The following TCN2 variants were observed in gnomAD, a reference collection of about 807,000 sequenced individuals.
TCN2 encodes transcobalamin 2, also known as transcobalamin-2.
A neutral mutation model predicts 48.6 loss-of-function variants in TCN2; 34 were observed. The ratio of observed to expected loss-of-function variants is 0.70; its 90% CI spans 0.53 to 0.93. The LOEUF is 0.93. TCN2 is among the 40% of genes least tolerant of loss of function. The probability of loss-of-function intolerance (pLI) is 0.00; values close to 1 mark genes in which losing one functional copy is unlikely to be tolerated. For synonymous variants in TCN2, 283 were observed against 212.5 expected (o/e 1.33, Z -2.89); for missense variants, 652 against 526.1 (o/e 1.24, Z -2.34).
At chr22:30,625,159 C>T (rs751640788) in intron 8 of TCN2, among the ~76,000 whole-genome samples, 1 of 152,036 alleles carries the variant, frequency 6.6e-6, no homozygotes, top group African/African-American at 2.4e-5. Context: ...CGGAGGTTGC[C>T]GTGAGCTGAG....
Position 30,611,071 on chromosome 22 carries a change from C to T in TCN2, c.257+8C>T, listed in dbSNP as rs747963904. 1.2e-6 allele frequency: 2 copies of T among 1,613,750 alleles called. No individual in the cohort carries two copies. The highest frequency in any genetic ancestry group is 8.5e-7 in the Non-Finnish European group (1 of 1,179,894). ...CCAGCAGTGCCTCCTAGGGTATTGC[C>T]ACACTCTCTTTTTCCATGTCTTGCT... On this transcript the variant is annotated splice_region_variant and intron_variant, in intron 2 of 8. Coordinates refer to ENST00000215838, the MANE Select transcript of TCN2 (RefSeq NM_000355.4).
At chr22:30,622,750 G>A (rs189160940) in intron 7 of TCN2, among the ~76,000 whole-genome samples, 48 of 152,318 alleles carry the variant, frequency 3.2e-4, no homozygotes, top group African/African-American at 7.7e-4. Context: ...CATGGTCAGC[G>A]TGGAGAGGAT....
chr22:30,617,780 G>A (rs2087635800), intron 7 of TCN2: 1 of 468,840 alleles, frequency 2.1e-6, no homozygotes, highest in Admixed American at 3.3e-5. Flanking sequence ...TCACCGAGGA[G>A]AACAGTTGTG....
At position 30,614,502 on chromosome 22, in the gene TCN2, G is replaced by C. The variant is rs1166150272; in HGVS notation, c.580+1G>C. ...TTCCACCAGGGCCACCATTCTGTGGGTGAGTAGGTCAGACCGTGCCAAGGC... is the reference window on the plus strand; with the variant it reads ...TTCCACCAGGGCCACCATTCTGTGGCTGAGTAGGTCAGACCGTGCCAAGGC... On this transcript the variant is annotated splice_donor_variant, in intron 4 of 8. Coordinates refer to ENST00000215838, the MANE Select transcript of TCN2 (RefSeq NM_000355.4). LOFTEE classifies it high-confidence loss of function. 3 of 1,614,024 alleles carry C rather than the reference G, an allele frequency of 1.9e-6. No individual in the cohort carries two copies. Among genetic ancestry groups the C allele is most frequent in the African/African-American group, 2.7e-5 (2 of 74,932 alleles).
At chr22:30,623,591 A>C (rs889298165) in intron 8 of TCN2, among the ~76,000 whole-genome samples, 25 of 151,766 alleles carry the variant, frequency 1.6e-4, no homozygotes, top group Non-Finnish European at 3.1e-4. Context: ...TTTTAAAAAT[A>C]TGGCAGTAAG....
At chr22:30,622,550 C>G (rs897487309) in intron 7 of TCN2, among the ~76,000 whole-genome samples, 6 of 152,200 alleles carry the variant, frequency 3.9e-5, no homozygotes, top group South Asian at 4.1e-4. Flanking sequence ...TGCCAGGTGT[C>G]TCTGCCTCCA....
intron 7 of TCN2, among the ~76,000 whole-genome samples, chr22:30,618,647 G>T (rs898416571): frequency 6.6e-6 from 1 of 151,956 alleles, no homozygotes; most frequent in Non-Finnish European, 1.5e-5. Context: ...CTCCGTGCCC[G>T]GCCATGTATT....
At chr22:30,607,734 G>A (rs1602039869) in intron 1 of TCN2, among the ~76,000 whole-genome samples, 1 of 152,130 alleles carries the variant, frequency 6.6e-6, no homozygotes, top group East Asian at 1.9e-4. Context: ...AAGGGGGACA[G>A]ACAAAAGAAA....
At chr22:30,611,147 CT>C in intron 2 of TCN2, 84 bp downstream of exon 2, 1 of 1,577,564 alleles carries the variant, frequency 6.3e-7, no homozygotes, top group Non-Finnish European at 8.7e-7. Flanking sequence ...CCTGTCACCA[CT>C]TTGTGGGCAG....
intron 1 of TCN2, among the ~76,000 whole-genome samples, chr22:30,608,095 C>G (rs2145530806): frequency 6.6e-6 from 1 of 152,278 alleles, no homozygotes; most frequent in South Asian, 2.1e-4. Flanking sequence ...TGAGTCTGAG[C>G]TTAGAGGCTC....
At chr22:30,617,739 A>G (rs1344999517) in intron 7 of TCN2, 3 of 537,706 alleles carry the variant, frequency 5.6e-6, no homozygotes, top group Non-Finnish European at 1.0e-5. Flanking sequence ...CCCAACTCTA[A>G]CCAGCTAGGT....
In TCN2 at chr22:30,607,944, CG is replaced by C. The variant is rs577451062; in HGVS notation, c.64+550del. ...AAGAGGACACATGGGAGCTGAAACT[CG>C]AAGGAAGAAAAGGAGCTGGCAGGAA... On this transcript the variant is annotated intron_variant, in intron 1 of 8. Transcript: ENST00000215838. Among the ~76,000 whole-genome samples, 186 of 152,200 alleles carry C rather than the reference CG, an allele frequency of 1.2e-3. 1 individual carries two copies. Among genetic ancestry groups the C allele is most frequent in the African/African-American group, 4.0e-3 (168 of 41,534 alleles).
intron 7 of TCN2, 153 bp downstream of exon 7, chr22:30,617,648 G>A (rs371572808): frequency 1.4e-5 from 15 of 1,043,300 alleles, no homozygotes; most frequent in East Asian, 2.6e-5. Flanking sequence ...TCTTGCCCAC[G>A]GTGTTATGGA....
intron 7 of TCN2, among the ~76,000 whole-genome samples, chr22:30,618,070 C>A (rs2087640514): frequency 6.7e-6 from 1 of 150,058 alleles, no homozygotes; most frequent in Admixed American, 6.7e-5. Context: ...CTCAGCCTCC[C>A]AAATAGCTGA....
rs1384095160 is a variant in TCN2 at position 30,624,080 on chromosome 22, A to ATATTT, written c.1222+998_1222+999insATTTT. 1.7e-4 allele frequency among the ~76,000 whole-genome samples: 7 copies of ATATTT among 41,350 alleles called. 2 individuals carry two copies. The highest frequency in any genetic ancestry group is 1.0e-3 in the East Asian group (2 of 1,934). 27.1% of individuals were successfully genotyped at this position (41,350 alleles called of 152,430 possible). ...CACACACATATATATATATATATAT[A>ATATTT]TTTTTTTTTTTTGAGATGGAGTCTT... is the stretch of plus-strand genomic sequence containing the variant. On this transcript the variant is annotated intron_variant, in intron 8 of 8. Transcript: ENST00000215838.
At chr22:30,607,736 C>A (rs576213276) in intron 1 of TCN2, among the ~76,000 whole-genome samples, 6 of 152,086 alleles carry the variant, frequency 3.9e-5, no homozygotes, top group African/African-American at 1.4e-4. Context: ...GGGGGACAGA[C>A]AAAAGAAATG....
At chr22:30,620,322 C>T (rs1392305531) in intron 7 of TCN2, among the ~76,000 whole-genome samples, 5 of 152,206 alleles carry the variant, frequency 3.3e-5, no homozygotes, top group Admixed American at 3.3e-4. Flanking sequence ...CTTTCTAGCT[C>T]TAGACAGCTA....
chr22:30,622,861 C>T (rs2087718743), intron 7 of TCN2, 107 bp from the exon 8 acceptor site: 10 of 1,174,706 alleles, frequency 8.5e-6, no homozygotes, highest in East Asian at 2.4e-5. Context: ...TGACGAGTGT[C>T]GGCCCAAAGA....
At chr22:30,610,283 C>A (rs569346909) in intron 1 of TCN2, 52 of 471,092 alleles carry the variant, frequency 1.1e-4, no homozygotes, top group African/African-American at 9.2e-4. Context: ...GGAAGTTCAC[C>A]AGGCAGCCTC....
Sources: allele counts gnomAD v4.1 joint callset (sites outside exome capture counted in the v4.1 genomes callset), GRCh38; gene constraint gnomAD v4.1.1; transcripts MANE v1.5; gene names NCBI Gene and HGNC (gene_info 2026-07-23, HGNC 2026-07-21).